Variants in PRKCA observed in about 807,000 individuals in gnomAD.
PRKCA encodes protein kinase C alpha type.
A neutral mutation model predicts 87.0 loss-of-function variants in PRKCA; 27 were observed. That is an observed-to-expected ratio of 0.31 (90% confidence interval 0.23 to 0.43). The LOEUF is 0.43. PRKCA is among the 20% of genes least tolerant of loss of function. The pLI is 1.00. For missense variants in PRKCA, 518 were observed against 852.3 expected, an observed-to-expected ratio of 0.61 and a Z score of 4.88; for synonymous variants, 329 against 311.1, an observed-to-expected ratio of 1.06 and a Z score of -0.61.
At chr17:66,335,791 T>C (rs1045521503) in intron 2 of PRKCA, among the ~76,000 whole-genome samples, 1 of 152,244 alleles carries the variant, frequency 6.6e-6, no homozygotes. Context: ...AGGAATACTA[T>C]GATGAATAAC....
chr17:66,477,054 A>T (rs146918646), intron 2 of PRKCA, among the ~76,000 whole-genome samples: 149 of 152,216 alleles, frequency 9.8e-4, no homozygotes, highest in Non-Finnish European at 1.6e-3. Flanking sequence ...GGGTGTGCAG[A>T]TGAGGACACA....
chr17:66,413,134 A>T (rs1911915373), intron 2 of PRKCA, among the ~76,000 whole-genome samples: 1 of 152,196 alleles, frequency 6.6e-6, no homozygotes, highest in South Asian at 2.1e-4. Context: ...ATGCCAACGT[A>T]AATCGCCAGA....
intron 2 of PRKCA, among the ~76,000 whole-genome samples, chr17:66,381,918 G>A (rs922790545): frequency 6.6e-6 from 1 of 152,138 alleles, no homozygotes; most frequent in Non-Finnish European, 1.5e-5. Flanking sequence ...CATTTGAAAC[G>A]GAGGCTGGTA....
At chr17:66,762,603 T>C (rs1974709152) in intron 13 of PRKCA, among the ~76,000 whole-genome samples, 1 of 152,152 alleles carries the variant, frequency 6.6e-6, no homozygotes, top group Admixed American at 6.5e-5. Context: ...GTTTCACTTC[T>C]CCCCTGCTGC....
chr17:66,685,074 G>T (rs929287137), intron 5 of PRKCA, among the ~76,000 whole-genome samples: 46 of 152,276 alleles, frequency 3.0e-4, no homozygotes, highest in African/African-American at 1.1e-3. Context: ...TCCCCTGGGG[G>T]CCTCCAACCC....
intron 3 of PRKCA, among the ~76,000 whole-genome samples, chr17:66,624,654 T>C (rs1970793707): frequency 6.6e-6 from 1 of 151,890 alleles, no homozygotes; most frequent in African/African-American, 2.4e-5. Flanking sequence ...TACAAAAAAT[T>C]AGCCAGGTGT....
chr17:66,742,164 A>G (rs1284912597), intron 12 of PRKCA, among the ~76,000 whole-genome samples: 1 of 152,094 alleles, frequency 6.6e-6, no homozygotes, highest in East Asian at 1.9e-4. Context: ...AATTTCTTCC[A>G]GTATTAATTG....
chr17:66,721,352 G>A (rs1343548298), intron 8 of PRKCA, among the ~76,000 whole-genome samples: 1 of 150,246 alleles, frequency 6.7e-6, no homozygotes, highest in Admixed American at 6.6e-5. Context: ...GCCGAGATCG[G>A]GCCACTGCAC....
chr17:66,458,751 G>A (rs561829836), intron 2 of PRKCA, among the ~76,000 whole-genome samples: 1 of 152,266 alleles, frequency 6.6e-6, no homozygotes, highest in Middle Eastern at 3.4e-3. Context: ...AAACTGCTGG[G>A]ATTACAGGCG....
chr17:66,728,084 A>G (rs1973799733), intron 8 of PRKCA, among the ~76,000 whole-genome samples: 2 of 152,170 alleles, frequency 1.3e-5, no homozygotes, highest in African/African-American at 4.8e-5. Flanking sequence ...AAAACTCAGC[A>G]TTGGATGGCT....
Position 66,791,667 on chromosome 17 carries a change from G to A in PRKCA, c.1854+2688G>A, listed in dbSNP as rs1334450570. Among the ~76,000 whole-genome samples the A allele has an allele frequency of 7.2e-5, 11 of 152,330 alleles. No individual in the cohort carries two copies. In the South Asian group the frequency reaches 1.7e-3, roughly 23 times the overall value. On this transcript the variant is annotated intron_variant, in intron 16 of 16. Transcript: ENST00000413366. ...AAGGGCTGGCACCACCGCCTTCAGC[G>A]GTCTCTGAGGACTGCACTCTGTTCA...
At position 66,774,928 on chromosome 17, in the gene PRKCA, A is replaced by G. The variant is rs1471677906; in HGVS notation, c.1605+861A>G. ...AGCTTTCTCTTATGATGTGACATGT[A>G]CCAGATAACCATGTGCCTTATTGCC... On this transcript the variant is annotated intron_variant, in intron 14 of 16. Transcript: ENST00000413366. The G allele has an allele frequency of 3.5e-5, 34 of 985,300 alleles. No homozygotes were observed. The Admixed American group carries it at 1.5e-3, about 43-fold the overall frequency. 61.0% of individuals were successfully genotyped at this position (985,300 alleles called of 1,614,324 possible).
At chr17:66,478,594 T>G (rs1452803193) in intron 2 of PRKCA, among the ~76,000 whole-genome samples, 1 of 152,164 alleles carries the variant, frequency 6.6e-6, no homozygotes, top group Non-Finnish European at 1.5e-5. Context: ...CATAAAACAC[T>G]TTAGGATCTT....
intron 3 of PRKCA, among the ~76,000 whole-genome samples, chr17:66,578,171 G>T (rs950311581): frequency 6.7e-6 from 1 of 150,234 alleles, no homozygotes; most frequent in African/African-American, 2.5e-5. Context: ...AGCCCTCATT[G>T]TCTCCCTTTG....
intron 2 of PRKCA, among the ~76,000 whole-genome samples, chr17:66,320,483 T>A (rs951855483): frequency 6.6e-6 from 1 of 152,168 alleles, no homozygotes; most frequent in Non-Finnish European, 1.5e-5. Flanking sequence ...GAGTCAAATA[T>A]GCATCTAAAC....
intron 8 of PRKCA, among the ~76,000 whole-genome samples, chr17:66,705,652 C>G (rs941644905): frequency 6.6e-6 from 1 of 152,086 alleles, no homozygotes; most frequent in Non-Finnish European, 1.5e-5. Context: ...ATGTTAGAGG[C>G]AGCTTTGCAA....
intron 2 of PRKCA, among the ~76,000 whole-genome samples, chr17:66,355,710 A>G (rs1315449595): frequency 6.6e-6 from 1 of 152,188 alleles, no homozygotes; most frequent in Non-Finnish European, 1.5e-5. Context: ...TCATAACAGC[A>G]AAAACATTGG....
rs145162955 is a variant in PRKCA, at chr17:66,343,461, A to G, written c.205+37334A>G. ...TGGTTTTCGGTTTTCATGGAAAGCT[A>G]TTGAAGTGGTGTAAGTGAGTATGGG... On this transcript the variant is annotated intron_variant, in intron 2 of 16. Transcript: ENST00000413366. 2.0e-5 allele frequency among the ~76,000 whole-genome samples: 3 copies of G among 152,190 alleles called. No individual in the cohort carries two copies. The East Asian group carries it at 5.8e-4, about 29-fold the overall frequency.
At chr17:66,654,475 T>C (rs1298949591) in intron 5 of PRKCA, among the ~76,000 whole-genome samples, 1 of 152,194 alleles carries the variant, frequency 6.6e-6, no homozygotes, top group African/African-American at 2.4e-5. Context: ...CTGAGGCTTG[T>C]AGAGCTCCCG....
Sources: allele counts gnomAD v4.1 joint callset (sites outside exome capture counted in the v4.1 genomes callset), GRCh38; gene constraint gnomAD v4.1.1; transcripts MANE v1.5; gene names NCBI Gene and HGNC (gene_info 2026-07-23, HGNC 2026-07-21).